Variants in CPM observed in about 807,000 individuals in gnomAD.
CPM encodes the protein renal carboxypeptidase.
Under a neutral mutation model 46.4 loss-of-function variants are expected in CPM, and 35 were observed. The observed-to-expected ratio is 0.75, with a 90% CI of 0.58 to 1.00. CPM has a LOEUF of 1.00. CPM is among the 50% of genes least tolerant of loss of function. The probability of loss-of-function intolerance (pLI) is 0.00; values close to 1 mark genes in which losing one functional copy is unlikely to be tolerated. For synonymous variants in CPM, 195 were observed against 195.3 expected (o/e 1.00, Z 0.01); for missense variants, 422 against 530.4 (o/e 0.80, Z 2.01).
rs540004210 is a variant in CPM at position 68,874,101 on chromosome 12, G to A, written c.259-2145C>T. Among the ~76,000 whole-genome samples, 11 of 152,076 alleles carry A rather than the reference G, an allele frequency of 7.2e-5. No homozygotes were observed. The South Asian group carries it at 8.3e-4, about 11-fold the overall frequency. Reference sequence around the variant, plus strand: ...GATTACTGTGTGAGCCACCGCGCCCGGCCAGATTTTTGTTTTTATAGTCAA... The same window carrying A: ...GATTACTGTGTGAGCCACCGCGCCCAGCCAGATTTTTGTTTTTATAGTCAA... On this transcript the variant is annotated intron_variant, in intron 3 of 8. Transcript: ENST00000551568.
chr12:68,924,419 G>A (rs781265572), intron 2 of CPM, among the ~76,000 whole-genome samples: 11 of 151,518 alleles, frequency 7.3e-5, no homozygotes, highest in Admixed American at 4.6e-4. Context: ...CCCAGGAGGC[G>A]GAGTGAGCCG....
chr12:68,960,066 G>A (rs1291106309), intron 1 of CPM, among the ~76,000 whole-genome samples: 1 of 152,168 alleles, frequency 6.6e-6, no homozygotes, highest in Non-Finnish European at 1.5e-5. Flanking sequence ...CCTTTTTATG[G>A]CTTTTGAGAC....
intron 2 of CPM, among the ~76,000 whole-genome samples, chr12:68,899,836 G>T (rs1276143712): frequency 2.0e-5 from 3 of 152,172 alleles, no homozygotes; most frequent in African/African-American, 7.2e-5. Flanking sequence ...TAGGCAGTAA[G>T]AAGTCATGCT....
intron 7 of CPM, among the ~76,000 whole-genome samples, chr12:68,866,544 T>G (rs1885456229): frequency 6.6e-6 from 1 of 152,086 alleles, no homozygotes; most frequent in African/African-American, 2.4e-5. Context: ...AGGTTTCGCC[T>G]TGTTGGCCAG....
At chr12:68,887,653 A>T (rs1390404418) in intron 2 of CPM, among the ~76,000 whole-genome samples, 1 of 152,240 alleles carries the variant, frequency 6.6e-6, no homozygotes, top group Non-Finnish European at 1.5e-5. Context: ...AACCTGGGTC[A>T]GATTGCACAA....
At chr12:68,861,883 T>C (rs1005569609) in intron 7 of CPM, among the ~76,000 whole-genome samples, 1 of 115,084 alleles carries the variant, frequency 8.7e-6, no homozygotes, top group Non-Finnish European at 1.6e-5. Flanking sequence ...TTCAGGGTAC[T>C]AGTAATGAGT....
chr12:68,903,879 A>ATTCT (rs59823463), intron 2 of CPM, among the ~76,000 whole-genome samples: 30,077 of 139,880 alleles, frequency 0.22, 3,134 homozygotes, highest in African/African-American at 0.27. Context: ...CCTTTCTCTC[A>ATTCT]TTCTTTCTTT....
chr12:68,858,847 T>C (rs1463811708), intron 8 of CPM, 76 bp downstream of exon 8: 3 of 955,256 alleles, frequency 3.1e-6, no homozygotes, highest in South Asian at 8.5e-5. Flanking sequence ...TAGACTTATT[T>C]TGGATTCCTT....
At chr12:68,875,631 C>A (rs1321176500) in intron 3 of CPM, among the ~76,000 whole-genome samples, 1 of 151,614 alleles carries the variant, frequency 6.6e-6, no homozygotes, top group Non-Finnish European at 1.5e-5. Flanking sequence ...CATGGTGAAA[C>A]CCTGTCTCTA....
At chr12:68,918,878 T>C (rs1050337463) in intron 2 of CPM, among the ~76,000 whole-genome samples, 1 of 152,216 alleles carries the variant, frequency 6.6e-6, no homozygotes, top group African/African-American at 2.4e-5. Flanking sequence ...ATCACTCTCT[T>C]CTTAAAACCC....
chr12:68,930,540 ACAGTTTCATCTAC>A (rs1163865116), intron 2 of CPM, among the ~76,000 whole-genome samples: 1 of 152,216 alleles, frequency 6.6e-6, no homozygotes, highest in Non-Finnish European at 1.5e-5. Context: ...TTACTGGCAT[ACAGTTTCATCTAC>A]CAGTTGGAGC....
chr12:68,889,608 T>C (rs7296589), intron 2 of CPM, among the ~76,000 whole-genome samples: 141,192 of 152,154 alleles, frequency 0.93, 65,659 homozygotes, highest in East Asian at 1. Flanking sequence ...GTGGGAGGAT[T>C]ACTTGAGGCC....
In CPM at chr12:68,869,390, T is replaced by C. The variant is rs1885591638; in HGVS notation, c.722A>G (p.Glu241Gly). 3 of 1,613,974 alleles carry C rather than the reference T, an allele frequency of 1.9e-6. No homozygotes were observed. The highest frequency in any genetic ancestry group is 2.5e-6 in the Non-Finnish European group (3 of 1,180,008). The change falls in exon 6 of 9, where the codon GAG becomes GGG. Residue 241 changes from glutamate (E) to glycine (G), a missense_variant. Glu to Gly is a moderately conservative substitution (Grantham distance 98, BLOSUM62 -2). Transcript: ENST00000551568. ...SRNPNMKKGD[E>G]CKNKMNFPNG... ...AGGAAAGTTCATTTTGTTTTTACAC[T>C]CGTCTCCTTTCTTCATGTTGGGATT...
At chr12:68,933,172 G>C (rs1284060745), upstream of CPM, 2 of 166,190 alleles carry the variant, frequency 1.2e-5, no homozygotes, top group African/African-American at 4.8e-5. Context: ...CTACCCACCC[G>C]CGGCCGCCCG....
chr12:68,886,548 T>C (rs534168712), intron 2 of CPM, among the ~76,000 whole-genome samples: 1 of 151,996 alleles, frequency 6.6e-6, no homozygotes, highest in Non-Finnish European at 1.5e-5. Context: ...AGGAGAATGG[T>C]GTGAACCCCG....
intron 1 of CPM, among the ~76,000 whole-genome samples, chr12:68,959,428 C>A (rs1162638610): frequency 6.6e-6 from 1 of 152,016 alleles, no homozygotes; most frequent in Non-Finnish European, 1.5e-5. Flanking sequence ...AAAAAATTAC[C>A]TAAAGGAGAA....
At chr12:68,886,053 C>T (rs911712000) in intron 2 of CPM, among the ~76,000 whole-genome samples, 164 bp from the exon 3 acceptor site, 4 of 152,134 alleles carry the variant, frequency 2.6e-5, no homozygotes, top group South Asian at 4.1e-4. Context: ...AAACACTCAT[C>T]GTTTACCGTC....
At chr12:68,901,757 G>A (rs1239748971) in intron 2 of CPM, among the ~76,000 whole-genome samples, 1 of 152,184 alleles carries the variant, frequency 6.6e-6, no homozygotes, top group Non-Finnish European at 1.5e-5. Context: ...ATGGAGTGAA[G>A]GGGAAGGAAA....
At chr12:68,941,906 T>C (rs1029059306) in intron 1 of CPM, among the ~76,000 whole-genome samples, 1 of 152,224 alleles carries the variant, frequency 6.6e-6, no homozygotes, top group Non-Finnish European at 1.5e-5. Context: ...AAAGGAAAGA[T>C]TGCTATTTAT....
Sources: gnomAD v4.1 joint callset for allele counts (sites outside exome capture counted in the v4.1 genomes callset) on GRCh38, gnomAD v4.1.1 for gene constraint, MANE v1.5 for transcripts, NCBI Gene and HGNC (gene_info 2026-07-23, HGNC 2026-07-21) for gene names.